Variants in ANO9 observed in about 807,000 individuals in gnomAD.
ANO9 encodes the protein anoctamin-9.
Under a neutral mutation model 100.5 loss-of-function variants are expected in ANO9, and 80 were observed. The ratio of observed to expected loss-of-function variants is 0.80; its 90% CI spans 0.66 to 0.96. ANO9 has a LOEUF of 0.96. Ranked by LOEUF, ANO9 falls within the 40% of genes least tolerant of loss-of-function variation. The pLI is 0.00. For missense variants in ANO9, 1,064 were observed against 1,072.7 expected (o/e 0.99, Z 0.11); for synonymous variants, 473 against 435.6 (o/e 1.09, Z -1.07).
Position 419,592 on chromosome 11 carries a change from A to G in ANO9, c.1924T>C (p.Ser642Pro). The change falls in exon 20 of 23, where the codon TCT becomes CCT. Residue 642 changes from serine to proline, a missense_variant. Transcript: ENST00000332826. ...RYSPCLKEGNSTVDCLKGYVN... is the reference protein window; with the variant it reads ...RYSPCLKEGNPTVDCLKGYVN... The stretch of plus-strand genomic sequence containing the variant: ...ACCCTGAGGCCTTACTCGACAGTAG[A>G]GTTGCCTTCTTTCAGGCATGGGCTA... 6.2e-7 allele frequency: 1 copy of G among 1,613,380 alleles called. No individual in the cohort carries two copies. The highest frequency in any genetic ancestry group is 8.5e-7 in the Non-Finnish European group (1 of 1,179,834).
intron 9 of ANO9, 103 bp from the exon 10 acceptor site, chr11:429,921 G>T: frequency 2.1e-6 from 2 of 961,192 alleles, no homozygotes; most frequent in Non-Finnish European, 3.0e-6. Flanking sequence ...GGGCAGGTGG[G>T]CTGAGGAAAT....
Position 421,318 on chromosome 11 carries a change from G to T in ANO9, c.1335-120C>A. ...AACAGGCGGGGCAGGCCCTGCAGGT[G>T]AGCGGGGCACAGGTGCTCACACCCA... On this transcript the variant is annotated intron_variant, in intron 15 of 22. Transcript: ENST00000332826. This position sits in a 1 kb window ranked among gnomAD's most constrained non-coding sequence, Gnocchi z 6.8. 1 of 1,081,486 alleles carries T rather than the reference G, an allele frequency of 9.2e-7. No individual in the cohort carries two copies. The highest frequency in any genetic ancestry group is 1.3e-6 in the Non-Finnish European group (1 of 782,690). 67.0% of individuals were successfully genotyped at this position (1,081,486 alleles called of 1,614,324 possible).
rs1034502594 is a variant in ANO9 at position 420,354 on chromosome 11, C to T, written c.1786+109G>A. 72 of 1,504,910 alleles carry T rather than the reference C, an allele frequency of 4.8e-5. No homozygotes were observed. The African/African-American group carries it at 9.3e-4, about 19-fold the overall frequency. The allele number at this position is 1,504,910 out of a possible 1,614,324, so 93.2% of individuals were successfully genotyped here. On this transcript the variant is annotated intron_variant, in intron 19 of 22. Transcript: ENST00000332826. ...GAGAAGGGCTGGGGGCTGTCTGCGGCCTGAGATCCGAGAGATTATTTTTTC... is the reference window on the plus strand; with the variant it reads ...GAGAAGGGCTGGGGGCTGTCTGCGGTCTGAGATCCGAGAGATTATTTTTTC...
chr11:436,349 G>A (rs1041279673), intron 1 of ANO9, among the ~76,000 whole-genome samples: 1 of 152,094 alleles, frequency 6.6e-6, no homozygotes, highest in Non-Finnish European at 1.5e-5. Context: ...TTACAGGTGT[G>A]AGCCACCACG....
Position 430,258 on chromosome 11 carries a change from C to T in ANO9, c.674+11G>A. On this transcript the variant is annotated intron_variant, in intron 8 of 22. Transcript: ENST00000332826. ...CCCGGCCCCCCATGCCCGGCCCCTG[C>T]TGCGGCCCACCTGATCTGGCTGGCC... 6.4e-7 allele frequency: 1 copy of T among 1,558,192 alleles called. No homozygotes were observed. Among genetic ancestry groups the T allele is most frequent in the Non-Finnish European group, 8.7e-7 (1 of 1,151,864 alleles).
rs749220522 is a variant in ANO9 at position 418,343 on chromosome 11, C to T, written c.*28G>A. The T allele has an allele frequency of 1.3e-6, 2 of 1,550,422 alleles. No homozygotes were observed. Among genetic ancestry groups the T allele is most frequent in the Non-Finnish European group, 1.7e-6 (2 of 1,148,850 alleles). On this transcript the variant is annotated 3_prime_UTR_variant, in exon 23 of 23. Coordinates refer to ENST00000332826, the MANE Select transcript of ANO9 (RefSeq NM_001012302.3). ...TGCTGGTGGTGGCACTGTCTCAGCT[C>T]CTGGTGGCCTCTGGACGGGCTCTGG... is the stretch of plus-strand genomic sequence containing the variant.
intron 4 of ANO9, 134 bp downstream of exon 4, chr11:433,180 C>A (rs1849157465): frequency 2.4e-6 from 3 of 1,258,214 alleles, no homozygotes; most frequent in Non-Finnish European, 2.1e-6. Flanking sequence ...ACACCTGTGG[C>A]CCCTGCCCTG....
intron 19 of ANO9, 195 bp downstream of exon 19, chr11:420,268 C>T: frequency 7.0e-7 from 1 of 1,428,990 alleles, no homozygotes; most frequent in Non-Finnish European, 9.1e-7. Context: ...CTACAAAGCG[C>T]TCGGCCCCGC....
chr11:440,103 T>A (rs1845742943), intron 1 of ANO9, among the ~76,000 whole-genome samples: 1 of 152,114 alleles, frequency 6.6e-6, no homozygotes, highest in East Asian at 1.9e-4. Context: ...GTGCAGTTGG[T>A]GTCTGGGACT....
chr11:424,621 T>G (rs1002123064), intron 15 of ANO9, among the ~76,000 whole-genome samples: 1 of 152,014 alleles, frequency 6.6e-6, no homozygotes, highest in African/African-American at 2.4e-5. Flanking sequence ...TTAATACGAA[T>G]GAATAACCAC....
Position 420,508 on chromosome 11 carries a change from C to G in ANO9, c.1741G>C (p.Val581Leu), listed in dbSNP as rs1207995794. The change falls in exon 19 of 23, where the codon GTC becomes CTC. Residue 581 changes from valine (V) to leucine (L), a missense_variant. Physicochemically the swap from Val to Leu is conservative, Grantham distance 32. Coordinates refer to ENST00000332826, the MANE Select transcript of ANO9 (RefSeq NM_001012302.3). The part of the protein sequence containing the change: ...VEIRLDAIKM[V>L]WLQRRLVPRK... ...GGCACCAGGCGCCGCTGCAACCAGA[C>G]CATCTTGATGGCGTCCAGGCGGATC... 1 of 1,605,290 alleles carries G rather than the reference C, an allele frequency of 6.2e-7. No homozygotes were observed. The highest frequency in any genetic ancestry group is 1.3e-5 in the African/African-American group (1 of 74,916).
At chr11:433,496 C>A (rs1849190316) in intron 3 of ANO9, 37 bp from the exon 4 acceptor site, 2 of 1,594,610 alleles carry the variant, frequency 1.3e-6, no homozygotes, top group Admixed American at 3.3e-5. Context: ...CACCTCAGAA[C>A]CCTCCCCGCT....
In ANO9 at chr11:430,312, C is replaced by T. The variant is rs1218222834; in HGVS notation, c.631G>A (p.Val211Ile). 1.2e-6 allele frequency: 2 copies of T among 1,606,594 alleles called. No individual in the cohort carries two copies. The stretch of plus-strand genomic sequence containing the variant: ...AACAGCGAGAATCCGCTCAGAAAGA[C>T]TAAGAGGCCCGTCAGGGCGGCCGGC... ...LVPAALTGLLVFLSGFSLFEA... is the reference protein window; with the variant it reads ...LVPAALTGLLIFLSGFSLFEA... The change falls in exon 8 of 23, where the codon GTC becomes ATC. Residue 211 changes from valine to isoleucine, a missense_variant. Physicochemically the swap from Val to Ile is conservative, Grantham distance 29. Transcript: ENST00000332826.
intron 15 of ANO9, among the ~76,000 whole-genome samples, chr11:425,717 G>GT (rs145087632): frequency 0.024 from 3,570 of 148,664 alleles, 40 homozygotes; most frequent in South Asian, 0.049. Context: ...TTTGTTTTTT[G>GT]TTTTTTGTTT....
Position 428,498 on chromosome 11 carries a change from C to T in ANO9, c.1162G>A (p.Val388Met). 1 of 1,612,648 alleles carries T rather than the reference C, an allele frequency of 6.2e-7. No individual in the cohort carries two copies. The highest frequency in any genetic ancestry group is 8.5e-7 in the Non-Finnish European group (1 of 1,179,868). ...ACCTTGGTCATGATGATGATGGTCA[C>T]ATAGTGCACCAGAGCCCCGGTCACC... ...VVVTGALVHY[V>M]TIIIMTKINR... Residue 388 changes from valine to methionine, a missense_variant, in exon 13 of 23, where the codon GTG becomes ATG. Transcript: ENST00000332826.
At chr11:429,025 TCACA>T (rs1353435492) in intron 11 of ANO9, among the ~76,000 whole-genome samples, 199 bp from the exon 12 acceptor site, 1 of 121,404 alleles carries the variant, frequency 8.2e-6, no homozygotes, top group Admixed American at 8.6e-5. Flanking sequence ...CACGGGACAC[TCACA>T]CCACACGTGG....
rs936330612 is a variant in ANO9, at chr11:420,254, G to A, written c.1786+209C>T. The A allele has an allele frequency of 8.4e-6, 12 of 1,425,716 alleles. No individual in the cohort carries two copies. In the South Asian group the frequency reaches 1.2e-4, roughly 14 times the overall value. The allele number at this position is 1,425,716 out of a possible 1,614,324, so 88.3% of individuals were successfully genotyped here. A position where few individuals can be genotyped will look rare whatever the true frequency, so the allele number is the denominator to read the frequency against. On this transcript the variant is annotated intron_variant, in intron 19 of 22. Transcript: ENST00000332826. ...CTGAGATCCTGACGGTTTGTGGGAG[G>A]AGCCTACAAAGCGCTCGGCCCCGCC...
In ANO9 at chr11:428,212, C is replaced by G. The variant is rs113954893; in HGVS notation, c.1223-13G>C. On this transcript the variant is annotated splice_polypyrimidine_tract_variant and intron_variant, in intron 14 of 22. Transcript: ENST00000332826. ...GTCCTGGGCATCTCTGGAATGGGAC[C>G]GGCCCTCACCTCTCTCCCTGCTCAT... is the stretch of plus-strand genomic sequence containing the variant. 1 of 1,611,060 alleles carries G rather than the reference C, an allele frequency of 6.2e-7. No individual in the cohort carries two copies. Among genetic ancestry groups the G allele is most frequent in the East Asian group, 2.2e-5 (1 of 44,710 alleles).
chr11:438,683 G>C (rs112384261), intron 1 of ANO9, among the ~76,000 whole-genome samples: 1 of 151,920 alleles, frequency 6.6e-6, no homozygotes, highest in Non-Finnish European at 1.5e-5. Context: ...CTGTCCATCC[G>C]TCTCCAGGGC....
Sources: gnomAD v4.1 joint callset for allele counts (sites outside exome capture counted in the v4.1 genomes callset) on GRCh38, gnomAD v4.1.1 for gene constraint, Gnocchi (gnomAD v3.1) non-coding constraint, MANE v1.5 for transcripts, NCBI Gene and HGNC (gene_info 2026-07-23, HGNC 2026-07-21) for gene names.